PCDHGA3: variants seen among roughly 807,000 people sequenced by gnomAD.
The protein encoded by PCDHGA3 is protocadherin gamma subfamily A, 3, also known as protocadherin gamma-A3.
PCDHGA3 carries 40 observed loss-of-function variants against 58.5 expected under a neutral mutation model. The observed-to-expected ratio is 0.68, with a 90% confidence interval of 0.53 to 0.89. PCDHGA3 has a LOEUF of 0.89. Ranked by LOEUF, PCDHGA3 falls within the 40% of genes least tolerant of loss-of-function variation. The pLI is 0.00. For synonymous variants in PCDHGA3, 530 were observed against 525.7 expected (o/e 1.01, Z -0.11); for missense variants, 1,223 against 1,195.9 (o/e 1.02, Z -0.33).
At chr5:141,410,178 C>G in intron 1 of PCDHGA3, 2 of 1,613,890 alleles carry the variant, frequency 1.2e-6, no homozygotes, top group South Asian at 1.1e-5. Flanking sequence ...GCCACCGCCA[C>G]GCTTCATCTG....
rs151105903 is a variant in PCDHGA3 at position 141,419,964 on chromosome 5, T to C, written c.2424+73507T>C. ...GTGGCCTTGGCCTTGATTTCTGTGC[T>C]CTTTCTCCTCGCGGTGATTCTAGCT... On this transcript the variant is annotated intron_variant, in intron 1 of 3. Transcript: ENST00000253812. 3.7e-6 allele frequency: 6 copies of C among 1,614,082 alleles called. No individual in the cohort carries two copies. Among genetic ancestry groups the C allele is most frequent in the Non-Finnish European group, 4.2e-6 (5 of 1,179,900 alleles).
intron 1 of PCDHGA3, among the ~76,000 whole-genome samples, chr5:141,407,629 G>A (rs1025838649): frequency 1.3e-5 from 2 of 151,940 alleles, no homozygotes; most frequent in African/African-American, 4.8e-5. Context: ...TCTATATCTC[G>A]TATTACTTAA....
chr5:141,420,256 T>C (rs377440259), intron 1 of PCDHGA3: 2 of 1,569,010 alleles, frequency 1.3e-6, no homozygotes, highest in Non-Finnish European at 1.7e-6. Flanking sequence ...TTGAAGCAGA[T>C]AAGAAGATTC....
At chr5:141,474,606 T>C (rs1156236978) in intron 1 of PCDHGA3, among the ~76,000 whole-genome samples, 1 of 152,242 alleles carries the variant, frequency 6.6e-6, no homozygotes, top group Non-Finnish European at 1.5e-5. Context: ...ATAGGTCACA[T>C]ATGGCTTTTC....
Position 141,484,647 on chromosome 5 carries a change from G to A in PCDHGA3, c.2425-10160G>A, listed in dbSNP as rs556711906. Among the ~76,000 whole-genome samples, 104 of 152,066 alleles carry A rather than the reference G, an allele frequency of 6.8e-4. 3 individuals carry two copies. Among genetic ancestry groups the A allele is most frequent in the East Asian group, 1.2e-3 (6 of 5,166 alleles). ...TGAACAAAGTGACCACTCTCCAATG[G>A]CTACTCTCCCTCTCAGTGGGCCGCA... On this transcript the variant is annotated intron_variant, in intron 1 of 3. Transcript: ENST00000253812.
chr5:141,465,430 C>T (rs1212434943), intron 1 of PCDHGA3, among the ~76,000 whole-genome samples: 2 of 152,150 alleles, frequency 1.3e-5, no homozygotes, highest in Non-Finnish European at 2.9e-5. Context: ...AAGGTGGGCA[C>T]TTAATGATTA....
rs372466798 is a variant in PCDHGA3 at position 141,413,407 on chromosome 5, C to T, written c.2424+66950C>T. On this transcript the variant is annotated intron_variant, in intron 1 of 3. Transcript: ENST00000253812. ...CATAGTCTCCAGAGGTAGGACGCAG[C>T]TTTTCTCTCTGAACCCGCGCAGCGG... The T allele has an allele frequency of 6.2e-7, 1 of 1,614,044 alleles. No individual in the cohort carries two copies. The highest frequency in any genetic ancestry group is 8.5e-7 in the Non-Finnish European group (1 of 1,179,938).
chr5:141,358,882 T>C (rs573260789), intron 1 of PCDHGA3, among the ~76,000 whole-genome samples: 1 of 152,374 alleles, frequency 6.6e-6, no homozygotes, highest in African/African-American at 2.4e-5. Flanking sequence ...CATGTGGCTC[T>C]GGGATTATTT....
intron 1 of PCDHGA3, chr5:141,374,487 A>C: frequency 6.2e-7 from 1 of 1,611,648 alleles, no homozygotes; most frequent in Non-Finnish European, 8.5e-7. Flanking sequence ...CGATTCTTAA[A>C]GGAAGAATTG....
At chr5:141,393,889 A>T (rs771844364) in intron 1 of PCDHGA3, 3 of 1,613,998 alleles carry the variant, frequency 1.9e-6, no homozygotes, top group Admixed American at 3.3e-5. Flanking sequence ...GTGTTAGAAA[A>T]TTCTCTTCCC....
At chr5:141,391,498 G>A (rs974621252) in intron 1 of PCDHGA3, 1 of 151,980 alleles carries the variant, frequency 6.6e-6, no homozygotes, top group African/African-American at 2.4e-5. Flanking sequence ...TTTCAGTAGA[G>A]AAAATATTTT....
intron 1 of PCDHGA3, chr5:141,407,996 T>G: frequency 1.1e-6 from 1 of 872,310 alleles, no homozygotes; most frequent in Middle Eastern, 3.6e-4. Flanking sequence ...GCCTCTGGCC[T>G]GGGATTCCCT....
intron 1 of PCDHGA3, chr5:141,392,171 C>A (rs1182647236): frequency 6.6e-6 from 1 of 152,216 alleles, no homozygotes; most frequent in African/African-American, 2.4e-5. Flanking sequence ...CTGAGTCAGT[C>A]ATCTCCAGTA....
At chr5:141,394,790 G>T (rs776824024) in intron 1 of PCDHGA3, 1 of 1,613,718 alleles carries the variant, frequency 6.2e-7, no homozygotes, top group Non-Finnish European at 8.5e-7. Context: ...CCACTGTCAC[G>T]CTCACCGTAG....
intron 1 of PCDHGA3, chr5:141,365,387 ACC>A (rs1763882130): frequency 6.2e-7 from 1 of 1,613,814 alleles, no homozygotes; most frequent in African/African-American, 1.3e-5. Context: ...CACCTCTCTG[ACC>A]AGTTCGATCT....
chr5:141,390,723 A>G (rs2092214355), intron 1 of PCDHGA3: 1 of 196,804 alleles, frequency 5.1e-6, no homozygotes, highest in Non-Finnish European at 1.0e-5. Context: ...TAACTAATTT[A>G]ACTGGTATGG....
chr5:141,476,224 G>T lies in PCDHGA3; in HGVS notation c.2425-18583G>T. 6.2e-7 allele frequency: 1 copy of T among 1,614,062 alleles called. No individual in the cohort carries two copies. The highest frequency in any genetic ancestry group is 1.1e-5 in the South Asian group (1 of 91,072). ...AGGCTTCCACGGTCATTCACTATGA[G>T]ATCCCGGAGGAAAGAGAGAAGGGTT... On this transcript the variant is annotated intron_variant, in intron 1 of 3. Transcript: ENST00000253812. This position sits in a 1 kb window ranked among gnomAD's most constrained non-coding sequence, Gnocchi z 7.6.
chr5:141,420,525 C>T (rs895355117), intron 1 of PCDHGA3: 2 of 358,086 alleles, frequency 5.6e-6, no homozygotes, highest in South Asian at 2.1e-4. Flanking sequence ...AAATACCTTT[C>T]GGTTAAAAAT....
intron 1 of PCDHGA3, chr5:141,409,186 T>C: frequency 6.2e-7 from 1 of 1,614,042 alleles, no homozygotes; most frequent in Non-Finnish European, 8.5e-7. Flanking sequence ...GTGGTCTCTC[T>C]ACCCAGTGTA....
Sources: gnomAD v4.1 joint callset for allele counts (sites outside exome capture counted in the v4.1 genomes callset) on GRCh38, gnomAD v4.1.1 for gene constraint, Gnocchi (gnomAD v3.1) non-coding constraint, MANE v1.5 for transcripts, NCBI Gene and HGNC (gene_info 2026-07-23, HGNC 2026-07-21) for gene names.